The following TMEM45A variants were observed in gnomAD, a reference collection of about 807,000 sequenced individuals.
The protein encoded by TMEM45A is transmembrane protein 45A, also known as DNA polymerase-transactivated protein 4.
In TMEM45A, 25 loss-of-function variants were observed where a neutral mutation model predicts 32.0. The observed-to-expected ratio is 0.78, with a 90% CI of 0.57 to 1.09. The LOEUF is 1.09. TMEM45A is among the 50% of genes least tolerant of loss of function. TMEM45A has a pLI of 0.00. For missense variants in TMEM45A, 302 were observed against 325.0 expected, an observed-to-expected ratio of 0.93 and a Z score of 0.54; for synonymous variants, 122 against 114.8, an observed-to-expected ratio of 1.06 and a Z score of -0.40.
intron 4 of TMEM45A, 90 bp downstream of exon 4, chr3:100,558,679 C>G: frequency 7.7e-7 from 1 of 1,294,292 alleles, no homozygotes. Context: ...CGGAGACTTC[C>G]CTCCAACATA....
intron 1 of TMEM45A, among the ~76,000 whole-genome samples, chr3:100,544,430 C>A (rs910803764): frequency 1.3e-5 from 2 of 152,052 alleles, no homozygotes; most frequent in East Asian, 3.9e-4. Flanking sequence ...TGAGTTTGGG[C>A]AAATGTATAT....
At chr3:100,493,152 G>A (rs1248641447) in intron 1 of TMEM45A, among the ~76,000 whole-genome samples, 1 of 106,062 alleles carries the variant, frequency 9.4e-6, no homozygotes, top group Non-Finnish European at 1.8e-5. Context: ...TGGTGAGCTA[G>A]TTTTAAATAT....
intron 1 of TMEM45A, among the ~76,000 whole-genome samples, chr3:100,528,404 G>A (rs543248740): frequency 1.8e-4 from 27 of 152,288 alleles, no homozygotes; most frequent in African/African-American, 5.3e-4. Flanking sequence ...TTTACTTTGA[G>A]GTTTTGTCAT....
In TMEM45A at chr3:100,577,107, G is replaced by T. The variant is rs1706707482; in HGVS notation, c.*89G>T. 19 of 1,079,502 alleles carry T rather than the reference G, an allele frequency of 1.8e-5. 1 individual carries two copies. In the South Asian group the frequency reaches 2.7e-4, roughly 15 times the overall value. The allele number at this position is 1,079,502 out of a possible 1,614,324, so 66.9% of individuals were successfully genotyped here. A position where few individuals can be genotyped will look rare whatever the true frequency, so the allele number is the denominator to read the frequency against. Reference sequence around the variant, plus strand: ...TTCTCGATCTTTTGTTTGGAGAACAGCTGGCTAAGGATGACTCTAAGTGTA... The same window carrying T: ...TTCTCGATCTTTTGTTTGGAGAACATCTGGCTAAGGATGACTCTAAGTGTA... On this transcript the variant is annotated 3_prime_UTR_variant, in exon 6 of 6. Coordinates refer to ENST00000323523, the MANE Select transcript of TMEM45A (RefSeq NM_018004.3).
rs762447616 is a variant in TMEM45A at position 100,558,418 on chromosome 3, C to T, written c.417C>T (p.Tyr139=). The change falls in exon 4 of 6, where the codon TAC becomes TAT. Residue 139 remains tyrosine, a synonymous_variant. Transcript: ENST00000323523. ...TTTCCCCATCAGCCTTTATCTTCTA[C>T]AACCACACTCATGGCCGGGAAATGC... is the stretch of plus-strand genomic sequence containing the variant. ...NALFVEAFIF[Y]NHTHGREMLD... 1.9e-6 allele frequency: 3 copies of T among 1,613,418 alleles called. No homozygotes were observed. The highest frequency in any genetic ancestry group is 2.2e-5 in the East Asian group (1 of 44,886).
intron 1 of TMEM45A, among the ~76,000 whole-genome samples, chr3:100,533,362 A>G (rs1226074478): frequency 2.0e-5 from 3 of 152,180 alleles, no homozygotes; most frequent in Non-Finnish European, 4.4e-5. Context: ...ATAGGCATCC[A>G]GGCTGAGAAT....
chr3:100,510,884 T>A (rs1708149533), intron 1 of TMEM45A, among the ~76,000 whole-genome samples: 1 of 151,904 alleles, frequency 6.6e-6, no homozygotes, highest in Non-Finnish European at 1.5e-5. Flanking sequence ...CAGTGGAAGA[T>A]GAAATGAATG....
intron 1 of TMEM45A, chr3:100,519,159 T>G: frequency 5.8e-6 from 1 of 173,680 alleles, no homozygotes; most frequent in Admixed American, 5.8e-5. Context: ...AGCATGTGAG[T>G]GGGAGGAAGA....
Position 100,545,568 on chromosome 3 carries a change from T to C in TMEM45A, c.-3-9641T>C, listed in dbSNP as rs1206715904. ...TAGGGTGACTCCTTTTTGTTCTACC[T>C]TTCGAAATCCACTCATTGCTCAAGG... On this transcript the variant is annotated intron_variant, in intron 1 of 5. Coordinates refer to ENST00000323523, the MANE Select transcript of TMEM45A (RefSeq NM_018004.3). 5.3e-5 allele frequency among the ~76,000 whole-genome samples: 8 copies of C among 152,344 alleles called. No homozygotes were observed. In the South Asian group the frequency reaches 6.2e-4, roughly 12 times the overall value.
rs150373156 is a variant in TMEM45A at position 100,531,956 on chromosome 3, G to C, written c.-3-23253G>C. Among the ~76,000 whole-genome samples, 1,197 of 152,236 alleles carry C rather than the reference G, an allele frequency of 7.9e-3. 18 individuals are homozygous for C. The highest frequency in any genetic ancestry group is 0.028 in the African/African-American group (1,155 of 41,550). Reference sequence around the variant, plus strand: ...CCATGTAAATACTTCTACTATTTAAGAAAGTTTATAATAGAAGTGATTTGG... The same window carrying C: ...CCATGTAAATACTTCTACTATTTAACAAAGTTTATAATAGAAGTGATTTGG... On this transcript the variant is annotated intron_variant, in intron 1 of 5. Coordinates refer to ENST00000323523, the MANE Select transcript of TMEM45A (RefSeq NM_018004.3).
chr3:100,560,637 C>G (rs1706313639), intron 4 of TMEM45A, among the ~76,000 whole-genome samples: 1 of 151,944 alleles, frequency 6.6e-6, no homozygotes, highest in South Asian at 2.1e-4. Context: ...TGTAAATGAT[C>G]CATGTAGTCA....
At chr3:100,574,590 G>GC (rs1412581355) in intron 5 of TMEM45A, 2 of 152,266 alleles carry the variant, frequency 1.3e-5, no homozygotes, top group Non-Finnish European at 2.9e-5. Context: ...AATTTTTACA[G>GC]CCCGTCGTCT....
At chr3:100,498,889 T>C (rs781005868) in intron 1 of TMEM45A, among the ~76,000 whole-genome samples, 1 of 152,196 alleles carries the variant, frequency 6.6e-6, no homozygotes, top group Non-Finnish European at 1.5e-5. Context: ...ACACTTGTTA[T>C]TTTCTGTTTT....
At chr3:100,506,054 T>C (rs1378718903) in intron 1 of TMEM45A, among the ~76,000 whole-genome samples, 1 of 151,858 alleles carries the variant, frequency 6.6e-6, no homozygotes, top group Admixed American at 6.6e-5. Flanking sequence ...CCAGCACCTG[T>C]ATGTGGGGAA....
intron 1 of TMEM45A, among the ~76,000 whole-genome samples, chr3:100,523,869 T>C (rs904194294): frequency 2.0e-5 from 3 of 152,050 alleles, no homozygotes; most frequent in African/African-American, 4.8e-5. Context: ...TGAACAGAGT[T>C]ATCTGGGATG....
intron 1 of TMEM45A, among the ~76,000 whole-genome samples, chr3:100,516,600 A>T (rs1024371387): frequency 6.6e-6 from 1 of 152,038 alleles, no homozygotes; most frequent in African/African-American, 2.4e-5. Context: ...TTTTCTCCCC[A>T]GACTCATGAT....
At chr3:100,548,114 C>T (rs970555963) in intron 1 of TMEM45A, among the ~76,000 whole-genome samples, 1 of 152,140 alleles carries the variant, frequency 6.6e-6, no homozygotes, top group African/African-American at 2.4e-5. Flanking sequence ...GGTAATAGCA[C>T]TCTAGAGTGG....
chr3:100,555,303 G>C lies in TMEM45A; in HGVS notation c.92G>C (p.Cys31Ser). ...WCTKSILKYICKKQKRTCYLG... is the reference protein window; with the variant it reads ...WCTKSILKYISKKQKRTCYLG... The stretch of plus-strand genomic sequence containing the variant: ...ACAAAGAGTATTCTGAAGTATATCT[G>C]CAAAAAGCAAAAGCGAACCTGCTAT... Residue 31 changes from cysteine to serine, a missense_variant, in exon 2 of 6, where the codon TGC (cysteine) becomes TCC (serine). By Grantham distance (112) the Cys-to-Ser change is moderately radical. Coordinates refer to ENST00000323523, the MANE Select transcript of TMEM45A (RefSeq NM_018004.3). 6.2e-7 allele frequency: 1 copy of C among 1,613,970 alleles called. No individual in the cohort carries two copies. The highest frequency in any genetic ancestry group is 8.5e-7 in the Non-Finnish European group (1 of 1,179,932).
chr3:100,546,760 A>G lies in TMEM45A; in HGVS notation c.-3-8449A>G, dbSNP rs111724567. Among the ~76,000 whole-genome samples, 837 of 152,308 alleles carry G rather than the reference A, an allele frequency of 5.5e-3. 9 individuals are homozygous for G. Among genetic ancestry groups the G allele is most frequent in the African/African-American group, 0.019 (804 of 41,552 alleles). ...TTCCCTATGTTATTTAACCTACTCA[A>G]GGTACTTGACTGAGACCCTTTGATG... On this transcript the variant is annotated intron_variant, in intron 1 of 5. Coordinates refer to ENST00000323523, the MANE Select transcript of TMEM45A (RefSeq NM_018004.3).
Sources: allele counts gnomAD v4.1 joint callset (sites outside exome capture counted in the v4.1 genomes callset), GRCh38; gene constraint gnomAD v4.1.1; transcripts MANE v1.5; gene names NCBI Gene and HGNC (gene_info 2026-07-23, HGNC 2026-07-21).